Variants in CNTN5 observed in about 807,000 individuals in gnomAD.
CNTN5 encodes contactin 5.
In CNTN5, 77 loss-of-function variants were observed where a neutral mutation model predicts 129.1. The observed-to-expected ratio is 0.60, with a 90% CI of 0.50 to 0.72. The LOEUF (loss-of-function observed/expected upper bound fraction) is 0.72. Among genes scored for constraint, CNTN5 ranks in the 30% least tolerant of loss-of-function variants. The pLI, the probability that CNTN5 is intolerant of heterozygous loss-of-function variation, is 0.00. For synonymous variants in CNTN5, 509 were observed against 465.6 expected (o/e 1.09, Z -1.20); for missense variants, 1,478 against 1,328.8 (o/e 1.11, Z -1.75).
chr11:99,628,639 CACA>C (rs1951222844), intron 3 of CNTN5, among the ~76,000 whole-genome samples: 1 of 151,486 alleles, frequency 6.6e-6, no homozygotes, highest in Non-Finnish European at 1.5e-5. Context: ...CACACACACA[CACA>C]CACACACACA....
At chr11:100,356,061 C>G in intron 24 of CNTN5, 56 bp from the exon 25 acceptor site, 1 of 1,194,202 alleles carries the variant, frequency 8.4e-7, no homozygotes, top group South Asian at 1.3e-5. Context: ...ACAATTCTGT[C>G]CTAGCTCAAG....
intron 2 of CNTN5, among the ~76,000 whole-genome samples, chr11:99,402,260 T>G (rs1235321707): frequency 6.6e-6 from 1 of 152,156 alleles, no homozygotes; most frequent in Non-Finnish European, 1.5e-5. Flanking sequence ...CCCAGTTTTT[T>G]AAGCATTTTT....
intron 1 of CNTN5, among the ~76,000 whole-genome samples, chr11:99,137,181 T>A: frequency 6.6e-6 from 1 of 152,196 alleles, no homozygotes; most frequent in Admixed American, 6.5e-5. Flanking sequence ...GCATACTTTG[T>A]GTGTTTAAAC....
intron 3 of CNTN5, among the ~76,000 whole-genome samples, chr11:99,727,914 A>G (rs77875345): frequency 4.3e-5 from 1 of 23,066 alleles, no homozygotes; most frequent in South Asian, 2.9e-3. Context: ...ATTTTACATA[A>G]AAAAAATTGA....
chr11:99,418,068 C>T (rs1342269799), intron 2 of CNTN5, among the ~76,000 whole-genome samples: 1 of 152,118 alleles, frequency 6.6e-6, no homozygotes, highest in Non-Finnish European at 1.5e-5. Flanking sequence ...TAATGCACTT[C>T]TCTTTTATTT....
chr11:99,843,154 G>T (rs935502890), intron 4 of CNTN5, among the ~76,000 whole-genome samples: 2 of 152,194 alleles, frequency 1.3e-5, no homozygotes, highest in African/African-American at 4.8e-5. Flanking sequence ...AACCTAGGAG[G>T]CAGAGGTTGC....
intron 2 of CNTN5, among the ~76,000 whole-genome samples, chr11:99,550,871 T>C (rs1231493754): frequency 6.6e-6 from 1 of 152,208 alleles, no homozygotes; most frequent in Non-Finnish European, 1.5e-5. Context: ...GTCCATGTTA[T>C]TGTAATTACG....
chr11:99,403,329 A>T (rs2897556), intron 2 of CNTN5, among the ~76,000 whole-genome samples: 113,425 of 152,114 alleles, frequency 0.75, 43,135 homozygotes, highest in African/African-American at 0.9. Flanking sequence ...CAACTTTTTG[A>T]TTCATTGATC....
chr11:99,920,432 G>C (rs61911654), intron 7 of CNTN5, among the ~76,000 whole-genome samples: 59,775 of 151,608 alleles, frequency 0.39, 11,871 homozygotes, highest in Middle Eastern at 0.47. Context: ...CCAGACTCTG[G>C]CTTGTATGTA....
intron 1 of CNTN5, among the ~76,000 whole-genome samples, chr11:99,270,059 T>C (rs1863102550): frequency 6.6e-6 from 1 of 151,864 alleles, no homozygotes; most frequent in African/African-American, 2.4e-5. Context: ...TTTATTTACT[T>C]ACCAGTCGTG....
At chr11:99,975,834 T>C (rs567703444) in intron 8 of CNTN5, among the ~76,000 whole-genome samples, 1 of 152,272 alleles carries the variant, frequency 6.6e-6, no homozygotes, top group South Asian at 2.1e-4. Flanking sequence ...AAATCTCATG[T>C]CCTTCCACAT....
chr11:100,221,749 A>G (rs1219797492), intron 15 of CNTN5, among the ~76,000 whole-genome samples: 1 of 152,228 alleles, frequency 6.6e-6, no homozygotes, highest in African/African-American at 2.4e-5. Context: ...TGGTTGTGGC[A>G]AAATTCATTT....
chr11:99,250,032 C>T (rs1391229047), intron 1 of CNTN5, among the ~76,000 whole-genome samples: 2 of 151,880 alleles, frequency 1.3e-5, no homozygotes, highest in Non-Finnish European at 2.9e-5. Context: ...GGTGAGAGCA[C>T]ATTGGGATCA....
intron 2 of CNTN5, among the ~76,000 whole-genome samples, chr11:99,476,726 A>G (rs1406938007): frequency 6.6e-6 from 1 of 152,128 alleles, no homozygotes; most frequent in Non-Finnish European, 1.5e-5. Context: ...TTTCCTTCTT[A>G]GTAGATTCTG....
chr11:100,001,991 G>C (rs778486111), intron 8 of CNTN5, 43 bp from the exon 9 acceptor site: 4 of 1,316,556 alleles, frequency 3.0e-6, no homozygotes, highest in Admixed American at 2.4e-5. Flanking sequence ...GAAACAAATT[G>C]TAACATTCAT....
chr11:100,100,428 C>A (rs1185778108), intron 13 of CNTN5, among the ~76,000 whole-genome samples: 1 of 152,112 alleles, frequency 6.6e-6, no homozygotes, highest in Non-Finnish European at 1.5e-5. Flanking sequence ...CTTTCCTGAG[C>A]AAGCCCCTCC....
intron 16 of CNTN5, among the ~76,000 whole-genome samples, chr11:100,229,178 A>G (rs1949440668): frequency 6.7e-6 from 1 of 149,958 alleles, no homozygotes; most frequent in African/African-American, 2.4e-5. Context: ...AGCCTACATC[A>G]GCAGTTTATT....
chr11:99,884,725 C>T (rs1948854822), intron 6 of CNTN5, among the ~76,000 whole-genome samples: 1 of 151,750 alleles, frequency 6.6e-6, no homozygotes, highest in Non-Finnish European at 1.5e-5. Context: ...GCCTGTAATC[C>T]CAGCACTTTG....
At chr11:99,462,596 C>A (rs1222203148) in intron 2 of CNTN5, among the ~76,000 whole-genome samples, 1 of 151,914 alleles carries the variant, frequency 6.6e-6, no homozygotes, top group Non-Finnish European at 1.5e-5. Flanking sequence ...AAAACAAGAC[C>A]GTAATAATGC....
Sources: gnomAD v4.1 joint callset for allele counts (sites outside exome capture counted in the v4.1 genomes callset) on GRCh38, gnomAD v4.1.1 for gene constraint, MANE v1.5 for transcripts, NCBI Gene and HGNC (gene_info 2026-07-23, HGNC 2026-07-21) for gene names.